The following COL2A1 variants were observed in gnomAD, a reference collection of about 807,000 sequenced individuals.
The protein encoded by COL2A1 is collagen type II alpha 1 chain, also known as collagen alpha-1(II) chain.
Under a neutral mutation model 204.5 loss-of-function variants are expected in COL2A1, and 28 were observed. That is an observed-to-expected ratio of 0.14 (90% CI 0.10 to 0.19). The LOEUF (loss-of-function observed/expected upper bound fraction) is 0.19. Ranked by LOEUF, COL2A1 falls within the 10% of genes least tolerant of loss-of-function variation. The pLI is 1.00. For synonymous variants in COL2A1, 708 were observed against 718.7 expected, an observed-to-expected ratio of 0.99 and a Z score of 0.24; for missense variants, 1,388 against 2,027.5, an observed-to-expected ratio of 0.68 and a Z score of 6.06.
rs1457255836 is a variant in COL2A1 at position 47,998,440 on chromosome 12, G to GA, written c.293-10dup. 3.7e-6 allele frequency: 6 copies of GA among 1,610,678 alleles called. No individual in the cohort carries two copies. The highest frequency in any genetic ancestry group is 4.2e-6 in the Non-Finnish European group (5 of 1,177,950). The stretch of plus-strand genomic sequence containing the variant: ...CTTTGGTCCTGGTTGCCCTGCAAGG[G>GA]AAAAAATATAGAGAAGAAGAAGGTA... On this transcript the variant is annotated splice_polypyrimidine_tract_variant and intron_variant, in intron 2 of 53. Coordinates refer to ENST00000380518, the MANE Select transcript of COL2A1 (RefSeq NM_001844.5).
rs750049178 is a variant in COL2A1 at position 47,985,069 on chromosome 12, G to A, written c.1759C>T (p.Pro587Ser). 5.6e-6 allele frequency: 9 copies of A among 1,613,784 alleles called. No individual in the cohort carries two copies. Among genetic ancestry groups the A allele is most frequent in the Non-Finnish European group, 7.6e-6 (9 of 1,179,930 alleles). ...GCCCCCTGAGGACCTGGAGGTCCAGGACGACCATCTTCACCAGGGGCTCCC... is the reference window on the plus strand; with the variant it reads ...GCCCCCTGAGGACCTGGAGGTCCAGAACGACCATCTTCACCAGGGGCTCCC... ...PSGAPGEDGR[P>S]GPPGPQGARG... The change falls in exon 27 of 54, where the codon CCT (proline) becomes TCT (serine). Residue 587 changes from proline (P) to serine (S), a missense_variant. By Grantham distance (74) the Pro-to-Ser change is moderately conservative (BLOSUM62 -1). Around this residue, in one of 3 missense-constraint regions of COL2A1, gnomAD observed 884 missense variants for 1,415.8 expected, o/e 0.62. Coordinates refer to ENST00000380518, the MANE Select transcript of COL2A1 (RefSeq NM_001844.5).
intron 33 of COL2A1, 22 bp downstream of exon 33, chr12:47,982,826 T>C (rs761867463): frequency 1.2e-6 from 2 of 1,601,362 alleles, no homozygotes; most frequent in South Asian, 2.2e-5. Flanking sequence ...CGAAGACCCC[T>C]ACAGGATGCA....
intron 26 of COL2A1, 149 bp downstream of exon 26, chr12:47,985,384 TG>T: frequency 1.2e-6 from 1 of 849,908 alleles, no homozygotes; most frequent in Non-Finnish European, 2.0e-6. Context: ...AGGTTACATC[TG>T]GCCCCAGTGC....
Position 47,975,553 on chromosome 12 carries a change from C to T in COL2A1, c.3650G>A (p.Gly1217Asp), listed in dbSNP as rs1938662330. The T allele has an allele frequency of 1.2e-6, 2 of 1,604,156 alleles. No homozygotes were observed. Among genetic ancestry groups the T allele is most frequent in the East Asian group, 2.2e-5 (1 of 44,866 alleles). ...PPGPPGPPGP[G>D]IDMSAFAGLG... ...GCCAGCAAAGGCGGACATGTCGATG[C>T]CAGGGCCAGGGGGACCTGGAGGACC... Residue 1217 changes from glycine to aspartate, a missense_variant, in exon 51 of 54, where the codon GGC (glycine) becomes GAC (aspartate). This residue lies in a region of COL2A1 where 303 missense variants were observed against 369.2 expected (regional missense o/e 0.82). Transcript: ENST00000380518.
intron 16 of COL2A1, among the ~76,000 whole-genome samples, chr12:47,992,487 G>A (rs1243457464): frequency 6.6e-6 from 1 of 152,194 alleles, no homozygotes; most frequent in Non-Finnish European, 1.5e-5. Flanking sequence ...AGCCCTGTGA[G>A]TTGATGCTCA....
intron 2 of COL2A1, 115 bp downstream of exon 2, chr12:47,999,804 T>G: frequency 1.1e-6 from 1 of 875,094 alleles, no homozygotes. Context: ...AGCTACCAGG[T>G]CCCATGGATA....
At chr12:47,986,706 G>A (rs766837973) in intron 22 of COL2A1, 129 bp downstream of exon 22, 1 of 1,088,206 alleles carries the variant, frequency 9.2e-7, no homozygotes, top group Non-Finnish European at 1.4e-6. Flanking sequence ...TCTCCTCCAG[G>A]CATAATCTGA....
At chr12:47,983,498 G>A (rs1939209186) in intron 30 of COL2A1, 60 bp from the exon 31 acceptor site, 2 of 1,572,520 alleles carry the variant, frequency 1.3e-6, no homozygotes, top group South Asian at 1.1e-5. Flanking sequence ...GGCCCCCAGG[G>A]AGGCACAGTA....
In COL2A1 at chr12:47,977,120, A is replaced by C. The variant is rs1169294734; in HGVS notation, c.3309T>G (p.Ala1103=). The change falls in exon 47 of 54, where the codon GCT becomes GCG. Residue 1103 remains alanine (A), a synonymous_variant. Transcript: ENST00000380518. ...AQGPMGPSGP[A]GARGIQGPQG... ...TACTCACCTGGATTCCCCGGGCTCC[A>C]GCTGGTCCTGAGGGTCCCATGGGGC... 1.9e-6 allele frequency: 3 copies of C among 1,609,464 alleles called. No homozygotes were observed. The highest frequency in any genetic ancestry group is 2.5e-6 in the Non-Finnish European group (3 of 1,178,466).
At position 47,995,286 on chromosome 12, in the gene COL2A1, G is replaced by A. The variant is rs1939899834; in HGVS notation, c.731C>T (p.Pro244Leu). ...ACCAGGCTTTCCAGGGGGACCAGGA[G>A]GACCACGGGGACCCATGGGACCCTA... Reference protein sequence around the residue: ...GVSGPMGPRGPPGPPGKPGDD... With the variant: ...GVSGPMGPRGLPGPPGKPGDD... Residue 244 changes from proline (P) to leucine (L), a missense_variant, in exon 11 of 54, where the codon CCT (proline) becomes CTT (leucine). By Grantham distance (98) the Pro-to-Leu change is moderately conservative. This residue lies in a region of COL2A1 where 884 missense variants were observed against 1,415.8 expected (regional missense o/e 0.62). Transcript: ENST00000380518. The A allele has an allele frequency of 6.2e-7, 1 of 1,613,670 alleles. No homozygotes were observed. The highest frequency in any genetic ancestry group is 2.2e-5 in the East Asian group (1 of 44,890).
At chr12:47,981,065 T>G in intron 37 of COL2A1, 97 bp from the exon 38 acceptor site, 2 of 1,262,660 alleles carry the variant, frequency 1.6e-6, no homozygotes, top group Non-Finnish European at 2.2e-6. Context: ...CAGCCTCCTG[T>G]TCCCCAGAGA....
Position 47,974,532 on chromosome 12 carries a change from T to A in COL2A1, c.4074+143A>T, listed in dbSNP as rs1938596509. ...CCACCTCCACGTGGGGAAAAAATAC[T>A]TTTCCTCCTCTTTCCCTCCTCTCAA... On this transcript the variant is annotated intron_variant, in intron 52 of 53. Coordinates refer to ENST00000380518, the MANE Select transcript of COL2A1 (RefSeq NM_001844.5). The A allele has an allele frequency of 6.5e-5, 82 of 1,259,568 alleles. 3 individuals are homozygous for A. The South Asian group carries it at 1.0e-3, about 15-fold the overall frequency. 78.0% of individuals were successfully genotyped at this position (1,259,568 alleles called of 1,614,324 possible). A position where few individuals can be genotyped will look rare whatever the true frequency, so the allele number is the denominator to read the frequency against.
chr12:47,989,170 G>A (rs772526440), intron 18 of COL2A1, 58 bp downstream of exon 18: 87 of 1,447,786 alleles, frequency 6.0e-5, no homozygotes, highest in Non-Finnish European at 7.1e-5. Flanking sequence ...CAAGGGTTAC[G>A]GGGAAAGGAC....
Position 47,976,717 on chromosome 12 carries a change from G to T in COL2A1, c.3435+95C>A. 7.1e-7 allele frequency: 1 copy of T among 1,400,754 alleles called. No individual in the cohort carries two copies. The allele number at this position is 1,400,754 out of a possible 1,614,324, so 86.8% of individuals were successfully genotyped here. ...CTGAGGAAATCCTAGAAACTGCTTA[G>T]GGTGATCCCAAGCTGTCCTGGCAGC... is the stretch of plus-strand genomic sequence containing the variant. On this transcript the variant is annotated intron_variant, in intron 48 of 53. Coordinates refer to ENST00000380518, the MANE Select transcript of COL2A1 (RefSeq NM_001844.5). This position sits in a 1 kb window ranked among gnomAD's most constrained non-coding sequence, Gnocchi z 4.3.
At chr12:48,004,484 C>A (rs1268769294), upstream of COL2A1, 1 of 545,352 alleles carries the variant, frequency 1.8e-6, no homozygotes. Flanking sequence ...TGCGTCTTCT[C>A]CCCGCCGCGG....
At position 47,980,009 on chromosome 12, in the gene COL2A1, C is replaced by T. The variant is rs369684691; in HGVS notation, c.2679G>A (p.Pro893=). 2.2e-5 allele frequency: 34 copies of T among 1,553,978 alleles called. No homozygotes were observed. The highest frequency in any genetic ancestry group is 2.4e-5 in the East Asian group (1 of 41,136). The change falls in exon 40 of 54, where the codon CCG becomes CCA. Residue 893 remains proline, a splice_region_variant and synonymous_variant. Transcript: ENST00000380518. This position sits in a 1 kb window ranked among gnomAD's most constrained non-coding sequence, Gnocchi z 4.5. ...PKGARGAQGP[P]GATGFPGAAG... ...GTGGGGTGTCAGAGGCCTCACTCAC[C>T]GGGGGGCCTTGGGCACCTCGGGCTC...
chr12:47,989,165 G>T, intron 18 of COL2A1, 63 bp downstream of exon 18: 1 of 1,409,948 alleles, frequency 7.1e-7, no homozygotes, highest in Non-Finnish European at 9.9e-7. Context: ...ATGAGCAAGG[G>T]TTACGGGGAA....
chr12:47,999,858 C>T (rs974605775), intron 2 of COL2A1, 61 bp downstream of exon 2: 36 of 1,412,538 alleles, frequency 2.5e-5, no homozygotes, highest in African/African-American at 2.0e-4. Flanking sequence ...TCTATGGGAG[C>T]GTGTTTGCAG....
chr12:47,987,010 G>A lies in COL2A1; in HGVS notation c.1365+68C>T. On this transcript the variant is annotated intron_variant, in intron 21 of 53. Coordinates refer to ENST00000380518, the MANE Select transcript of COL2A1 (RefSeq NM_001844.5). This position sits in a 1 kb window ranked among gnomAD's most constrained non-coding sequence, Gnocchi z 4.1. Reference sequence around the variant, plus strand: ...GTGAGGCCAGGGCAGGAGAGCATGGGAAAGAGGGGTGATGGGGTTTGACTC... The same window carrying A: ...GTGAGGCCAGGGCAGGAGAGCATGGAAAAGAGGGGTGATGGGGTTTGACTC... 6.3e-7 allele frequency: 1 copy of A among 1,583,804 alleles called. No individual in the cohort carries two copies. Among genetic ancestry groups the A allele is most frequent in the Non-Finnish European group, 8.7e-7 (1 of 1,152,384 alleles).
Sources: gnomAD v4.1 joint callset for allele counts (sites outside exome capture counted in the v4.1 genomes callset) on GRCh38, gnomAD v4.1.1 for gene constraint, gnomAD v4.1.1 regional missense constraint, Gnocchi (gnomAD v3.1) non-coding constraint, MANE v1.5 for transcripts, NCBI Gene and HGNC (gene_info 2026-07-23, HGNC 2026-07-21) for gene names.